Variants in ATAD2 observed in about 807,000 individuals in gnomAD.
ATAD2 encodes the protein ATPase family AAA domain-containing protein 2.
Under a neutral mutation model 168.9 loss-of-function variants are expected in ATAD2, and 62 were observed. The observed-to-expected ratio is 0.37, with a 90% CI of 0.30 to 0.45. The LOEUF is 0.45. ATAD2 is among the 20% of genes least tolerant of loss of function. ATAD2 has a pLI of 1.00. For synonymous variants in ATAD2, 613 were observed against 571.6 expected (o/e 1.07, Z -1.03); for missense variants, 1,419 against 1,667.8 (o/e 0.85, Z 2.60).
intron 1 of ATAD2, among the ~76,000 whole-genome samples, chr8:123,404,565 CT>C (rs573902645): frequency 0.04 from 5,645 of 142,798 alleles, 195 homozygotes; most frequent in African/African-American, 0.1. Flanking sequence ...CTTTCTCTCT[CT>C]TTTTTTTTTT....
At chr8:123,344,124 G>A (rs1258309771) in intron 19 of ATAD2, among the ~76,000 whole-genome samples, 1 of 151,960 alleles carries the variant, frequency 6.6e-6, no homozygotes, top group Non-Finnish European at 1.5e-5. Context: ...TAAAATACAA[G>A]GATGCTCACT....
At chr8:123,352,986 G>C (rs1229488825) in intron 13 of ATAD2, among the ~76,000 whole-genome samples, 4 of 152,272 alleles carry the variant, frequency 2.6e-5, no homozygotes, top group Non-Finnish European at 5.9e-5. Context: ...AAGATTGCTT[G>C]AGCCCAGGAG....
At chr8:123,367,117 A>T (rs1453856847) in intron 8 of ATAD2, among the ~76,000 whole-genome samples, 3 of 152,232 alleles carry the variant, frequency 2.0e-5, no homozygotes, top group Non-Finnish European at 4.4e-5. Context: ...AGCACTTTGA[A>T]TCTAACCAAT....
At chr8:123,359,822 A>G (rs1828760175) in intron 9 of ATAD2, 137 bp from the exon 10 acceptor site, 1 of 611,012 alleles carries the variant, frequency 1.6e-6, no homozygotes, top group Non-Finnish European at 2.8e-6. Flanking sequence ...TATGTATTTT[A>G]ATTTCCTCAT....
chr8:123,362,878 A>C (rs1828867621), intron 8 of ATAD2, among the ~76,000 whole-genome samples: 1 of 152,236 alleles, frequency 6.6e-6, no homozygotes, highest in African/African-American at 2.4e-5. Context: ...ACAGCTGTGT[A>C]AATGTGGATG....
intron 22 of ATAD2, among the ~76,000 whole-genome samples, chr8:123,335,274 A>G (rs942922751): frequency 5.3e-5 from 8 of 152,292 alleles, no homozygotes; most frequent in South Asian, 4.1e-4. Context: ...TCTTCTTCCT[A>G]TGTACAATGG....
At chr8:123,410,752 T>C (rs558190191) in intron 1 of ATAD2, among the ~76,000 whole-genome samples, 2 of 152,340 alleles carry the variant, frequency 1.3e-5, no homozygotes, top group South Asian at 4.1e-4. Flanking sequence ...CAAGCTGAGC[T>C]TTCGCTCGCC....
Position 123,337,663 on chromosome 8 carries a change from G to T in ATAD2, c.3013C>A (p.Arg1005=). The change falls in exon 21 of 28, where the codon CGA becomes AGA. Residue 1005 remains arginine (R), a synonymous_variant. Coordinates refer to ENST00000287394, the MANE Select transcript of ATAD2 (RefSeq NM_014109.4). ...ACAGGCTTAGTAAACACTCGGAATC[G>T]CTTGTCAATAGCAAGCCTATGTGTA... is the stretch of plus-strand genomic sequence containing the variant. ...NVTHRLAIDK[R]FRVFTKPVDP... is the part of the protein sequence containing the mutation. 6.2e-7 allele frequency: 1 copy of T among 1,612,262 alleles called. No homozygotes were observed. Among genetic ancestry groups the T allele is most frequent in the Non-Finnish European group, 8.5e-7 (1 of 1,179,270 alleles).
At chr8:123,377,353 C>T (rs968388565) in intron 2 of ATAD2, among the ~76,000 whole-genome samples, 2 of 152,046 alleles carry the variant, frequency 1.3e-5, no homozygotes, top group Admixed American at 1.3e-4. Context: ...AGTCATTCCT[C>T]TTTAAATCCA....
At chr8:123,410,027 C>G (rs11774702) in intron 1 of ATAD2, among the ~76,000 whole-genome samples, 98,296 of 150,738 alleles carry the variant, frequency 0.65, 32,788 homozygotes, top group East Asian at 0.97. Context: ...GCTCAATATA[C>G]TGTGTGCTGT....
intron 26 of ATAD2, among the ~76,000 whole-genome samples, chr8:123,324,839 G>T (rs1378585733): frequency 1.3e-5 from 2 of 152,170 alleles, no homozygotes; most frequent in Admixed American, 1.3e-4. Flanking sequence ...AACAGAATGA[G>T]CAACAGATAA....
Position 123,327,341 on chromosome 8 carries a change from TAAAAC to T in ATAD2, c.3868+844_3868+848del, listed in dbSNP as rs1827642349. 2.0e-5 allele frequency among the ~76,000 whole-genome samples: 3 copies of T among 152,102 alleles called. No individual in the cohort carries two copies. In the South Asian group the frequency reaches 6.2e-4, roughly 32 times the overall value. On this transcript the variant is annotated intron_variant, in intron 25 of 27. Coordinates refer to ENST00000287394, the MANE Select transcript of ATAD2 (RefSeq NM_014109.4). ...TAAAAAGAAAATGATAAAAGAAAAA[TAAAAC>T]AAATCTGATTCAAACCAAAACATAT...
intron 25 of ATAD2, 22 bp from the exon 26 acceptor site, chr8:123,326,048 T>G (rs1827607280): frequency 6.2e-7 from 1 of 1,611,606 alleles, no homozygotes; most frequent in Non-Finnish European, 8.5e-7. Flanking sequence ...AATCAAATGA[T>G]TATTATTTGG....
rs889456530 is a variant in ATAD2 at position 123,320,566 on chromosome 8, T to A, written c.*568A>T. ...AAATGTTTGTCTCAAAAACAATGAC[T>A]GTGATACTCAAGTACAGAATTGTGG... On this transcript the variant is annotated 3_prime_UTR_variant, in exon 28 of 28. Coordinates refer to ENST00000287394, the MANE Select transcript of ATAD2 (RefSeq NM_014109.4). The A allele has an allele frequency of 6.6e-6, 1 of 152,254 alleles. No homozygotes were observed. Among genetic ancestry groups the A allele is most frequent in the African/African-American group, 2.4e-5 (1 of 41,454 alleles). The allele number at this position is 152,254 out of a possible 1,614,324, so 9.4% of individuals were successfully genotyped here. A position where few individuals can be genotyped will look rare whatever the true frequency, so the allele number is the denominator to read the frequency against.
At chr8:123,409,383 A>G (rs4006575) in intron 1 of ATAD2, among the ~76,000 whole-genome samples, 53,472 of 152,058 alleles carry the variant, frequency 0.35, 9,546 homozygotes, top group East Asian at 0.54. Context: ...CATAGCACAA[A>G]TTGCTTTGTA....
rs545600747 is a variant in ATAD2 at position 123,376,291 on chromosome 8, A to G, written c.321-3605T>C. On this transcript the variant is annotated intron_variant, in intron 2 of 27. Coordinates refer to ENST00000287394, the MANE Select transcript of ATAD2 (RefSeq NM_014109.4). ...TGTGGTGGCGGTTGCCTGTAATCCC[A>G]GCTACTTGGGAGGCTGGGGGAGGAG... is the stretch of plus-strand genomic sequence containing the variant. 1.4e-3 allele frequency among the ~76,000 whole-genome samples: 216 copies of G among 152,034 alleles called. 1 individual carries two copies. Among genetic ancestry groups the G allele is most frequent in the Middle Eastern group, 3.4e-3 (1 of 294 alleles).
At chr8:123,373,859 A>T (rs1294727192) in intron 2 of ATAD2, among the ~76,000 whole-genome samples, 1 of 151,944 alleles carries the variant, frequency 6.6e-6, no homozygotes, top group Non-Finnish European at 1.5e-5. Flanking sequence ...TTAGTGACTC[A>T]ATTTTCCATC....
intron 24 of ATAD2, among the ~76,000 whole-genome samples, chr8:123,333,512 G>A (rs1255080429): frequency 1.3e-5 from 2 of 152,044 alleles, no homozygotes; most frequent in Non-Finnish European, 2.9e-5. Context: ...GTCTGACAAA[G>A]GGGCTTAAAG....
At chr8:123,347,554 C>T (rs79736655) in intron 15 of ATAD2, 148 bp from the exon 16 acceptor site, 22,463 of 782,448 alleles carry the variant, frequency 0.029, 466 homozygotes, top group Non-Finnish European at 0.038. Context: ...AGACCAAAAT[C>T]TCTTTTACCC....
Sources: gnomAD v4.1 joint callset for allele counts (sites outside exome capture counted in the v4.1 genomes callset) on GRCh38, gnomAD v4.1.1 for gene constraint, MANE v1.5 for transcripts, NCBI Gene and HGNC (gene_info 2026-07-23, HGNC 2026-07-21) for gene names.